Variants in SULF2 observed in about 807,000 individuals in gnomAD.
The protein encoded by SULF2 is sulfatase 2, also known as extracellular sulfatase Sulf-2.
Under a neutral mutation model 107.7 loss-of-function variants are expected in SULF2, and 52 were observed. The observed-to-expected ratio is 0.48, with a 90% CI of 0.39 to 0.61. The LOEUF (loss-of-function observed/expected upper bound fraction) is 0.61. Ranked by LOEUF, SULF2 falls within the 20% of genes least tolerant of loss-of-function variation. The pLI is 0.00. For missense variants in SULF2, 993 were observed against 1,177.3 expected, an observed-to-expected ratio of 0.84 and a Z score of 2.29; for synonymous variants, 460 against 464.3, an observed-to-expected ratio of 0.99 and a Z score of 0.12.
intron 3 of SULF2, among the ~76,000 whole-genome samples, chr20:47,731,996 T>C (rs1054854292): frequency 1.4e-4 from 21 of 152,376 alleles, no homozygotes; most frequent in African/African-American, 4.8e-4. Flanking sequence ...AACACTGGCC[T>C]GAGGTGGGCT....
chr20:47,755,289 G>A (rs2090254967), intron 2 of SULF2, among the ~76,000 whole-genome samples: 1 of 152,154 alleles, frequency 6.6e-6, no homozygotes, highest in Non-Finnish European at 1.5e-5. Flanking sequence ...CTTCATACCT[G>A]CTATTGGTTT....
chr20:47,750,020 T>A (rs2090126972), intron 2 of SULF2, among the ~76,000 whole-genome samples: 1 of 152,212 alleles, frequency 6.6e-6, no homozygotes, highest in Admixed American at 6.5e-5. Flanking sequence ...TCTCGCTCTG[T>A]CGCCAGGCTG....
chr20:47,702,532 G>A lies in SULF2; in HGVS notation c.554C>T (p.Ser185Phe). The A allele has an allele frequency of 6.2e-7, 1 of 1,612,430 alleles. No homozygotes were observed. Among genetic ancestry groups the A allele is most frequent in the South Asian group, 1.1e-5 (1 of 90,996 alleles). ...GTTGCAGCTTACCTTGGAGTAGTCG[G>A]AGCCGTGCTTCTCTTTCACCCCGTT... ...CRNGVKEKHG[S>F]DYSKDYLTDL... Residue 185 changes from serine (S) to phenylalanine (F), a missense_variant, in exon 4 of 21, where the codon TCC becomes TTC. This residue lies in a region of SULF2 where 388 missense variants were observed against 449.2 expected (regional missense o/e 0.86). Transcript: ENST00000688720.
intron 2 of SULF2, among the ~76,000 whole-genome samples, chr20:47,742,453 T>C (rs773577043): frequency 1.3e-5 from 2 of 152,186 alleles, no homozygotes; most frequent in Non-Finnish European, 2.9e-5. Context: ...GAGGTCACTC[T>C]GACACCTCTG....
intron 2 of SULF2, among the ~76,000 whole-genome samples, chr20:47,756,517 C>T (rs905006022): frequency 3.1e-4 from 47 of 152,298 alleles, no homozygotes; most frequent in Admixed American, 1.7e-3. Flanking sequence ...TTTGTTGCCA[C>T]CAACAACACG....
Position 47,783,791 on chromosome 20 carries a change from A to G in SULF2, c.-101+1552T>C, listed in dbSNP as rs74654275. Among the ~76,000 whole-genome samples the G allele has an allele frequency of 6.1e-3, 928 of 152,312 alleles. 11 individuals carry two copies. The highest frequency in any genetic ancestry group is 0.021 in the African/African-American group (890 of 41,562). ...ACAAAGGTCCAACATGCCATCTGCC[A>G]AGCCCACCACCTTCGCCTTTCAAGC... On this transcript the variant is annotated intron_variant, in intron 1 of 20. Transcript: ENST00000688720.
At chr20:47,660,831 T>C (rs1220024637) in intron 18 of SULF2, among the ~76,000 whole-genome samples, 1 of 152,058 alleles carries the variant, frequency 6.6e-6, no homozygotes, top group Admixed American at 6.5e-5. Flanking sequence ...AACTGCAGAT[T>C]TTGTCCTGTC....
chr20:47,715,169 G>A (rs1247289166), intron 3 of SULF2, among the ~76,000 whole-genome samples: 1 of 149,228 alleles, frequency 6.7e-6, no homozygotes, highest in African/African-American at 2.5e-5. Flanking sequence ...GGGCTCAAGC[G>A]ATCTGCCCAC....
chr20:47,766,682 G>C (rs778867120), intron 1 of SULF2, among the ~76,000 whole-genome samples: 1 of 152,216 alleles, frequency 6.6e-6, no homozygotes, highest in Non-Finnish European at 1.5e-5. Context: ...GGAAAAGCTG[G>C]AGTTGAAAGA....
intron 3 of SULF2, among the ~76,000 whole-genome samples, chr20:47,711,517 C>T (rs2088928384): frequency 6.6e-6 from 1 of 152,228 alleles, no homozygotes; most frequent in African/African-American, 2.4e-5. Flanking sequence ...TCCCCCACGA[C>T]GGGCCATCTG....
rs968705595 is a variant in SULF2 at position 47,702,731 on chromosome 20, T to C, written c.416-61A>G. On this transcript the variant is annotated intron_variant, in intron 3 of 20. Transcript: ENST00000688720. ...AAGTGCCTGACGATGTTTATTAAAC[T>C]ATTGTGTGTCCGAGGCCTGAGCATG... The C allele has an allele frequency of 5.7e-6, 9 of 1,565,956 alleles. No individual in the cohort carries two copies. In the Admixed American group the frequency reaches 6.9e-5, roughly 12 times the overall value.
intron 8 of SULF2, among the ~76,000 whole-genome samples, chr20:47,677,368 G>A (rs1449242702): frequency 1.3e-5 from 2 of 151,506 alleles, no homozygotes; most frequent in Admixed American, 6.6e-5. Flanking sequence ...AAATGACCCA[G>A]GTCAAAATCA....
chr20:47,763,533 G>A (rs2090460205), intron 1 of SULF2, among the ~76,000 whole-genome samples: 1 of 152,336 alleles, frequency 6.6e-6, no homozygotes, highest in Admixed American at 6.5e-5. Context: ...AGGGGCCAGA[G>A]GCAGAAGGAG....
intron 4 of SULF2, among the ~76,000 whole-genome samples, chr20:47,700,386 G>A (rs932305573): frequency 6.6e-6 from 1 of 152,178 alleles, no homozygotes; most frequent in African/African-American, 2.4e-5. Flanking sequence ...TTAGTATCTG[G>A]CCCTTTACAG....
At chr20:47,726,653 C>T (rs6066450) in intron 3 of SULF2, among the ~76,000 whole-genome samples, 1 of 152,122 alleles carries the variant, frequency 6.6e-6, no homozygotes, top group Non-Finnish European at 1.5e-5. Flanking sequence ...TTGTAATTAA[C>T]GTAAAGTTAA....
intron 1 of SULF2, among the ~76,000 whole-genome samples, chr20:47,783,509 G>A (rs1223316546): frequency 2.6e-5 from 4 of 152,178 alleles, no homozygotes; most frequent in Non-Finnish European, 5.9e-5. Context: ...GGACATGCAC[G>A]TGCATGCACA....
At chr20:47,764,574 C>T (rs552330090) in intron 1 of SULF2, among the ~76,000 whole-genome samples, 9 of 152,254 alleles carry the variant, frequency 5.9e-5, no homozygotes, top group Admixed American at 2.0e-4. Flanking sequence ...GGCCAATAAG[C>T]GAGAGGGAGT....
intron 3 of SULF2, among the ~76,000 whole-genome samples, chr20:47,717,726 T>C (rs1332212877): frequency 1.3e-5 from 2 of 152,202 alleles, no homozygotes; most frequent in East Asian, 1.9e-4. Context: ...GCACTTTGCC[T>C]TTCTTGAAGC....
Position 47,757,339 on chromosome 20 carries a change from A to T in SULF2, c.25T>A (p.Cys9Ser). MGPPSLVL[C>S]LLSATVFSLL... ...GAGAACACAGTTGCGGACAGCAAGC[A>T]CAGCACGAGGCTCGGGGGGCCCATC... Residue 9 changes from cysteine to serine, a missense_variant, in exon 2 of 21, where the codon TGC becomes AGC. Coordinates refer to ENST00000688720, the MANE Select transcript of SULF2 (RefSeq NM_001387048.1). 1.2e-6 allele frequency: 2 copies of T among 1,601,908 alleles called. No homozygotes were observed. The highest frequency in any genetic ancestry group is 1.7e-6 in the Non-Finnish European group (2 of 1,173,670).
Sources: gnomAD v4.1 joint callset for allele counts (sites outside exome capture counted in the v4.1 genomes callset) on GRCh38, gnomAD v4.1.1 for gene constraint, gnomAD v4.1.1 regional missense constraint, MANE v1.5 for transcripts, NCBI Gene and HGNC (gene_info 2026-07-23, HGNC 2026-07-21) for gene names.